Variants in FGGY observed in about 807,000 individuals in gnomAD.
FGGY encodes the protein FGGY carbohydrate kinase domain containing.
Under a neutral mutation model 71.3 loss-of-function variants are expected in FGGY, and 72 were observed. The observed-to-expected ratio is 1.01, with a 90% confidence interval of 0.84 to 1.23. FGGY has a LOEUF of 1.23. FGGY is among the 50% of genes most tolerant of loss of function. The probability of loss-of-function intolerance (pLI) is 0.00; values close to 1 mark genes in which losing one functional copy is unlikely to be tolerated. For missense variants in FGGY, 668 were observed against 682.3 expected, an observed-to-expected ratio of 0.98 and a Z score of 0.23; for synonymous variants, 251 against 250.3, an observed-to-expected ratio of 1.00 and a Z score of -0.02.
intron 13 of FGGY, among the ~76,000 whole-genome samples, chr1:59,673,371 G>A (rs1301559556): frequency 1.3e-5 from 2 of 152,046 alleles, no homozygotes; most frequent in African/African-American, 2.4e-5. Flanking sequence ...AACAGCATGG[G>A]TAAGGGCCCC....
chr1:59,441,821 G>T (rs1185887005), intron 5 of FGGY, among the ~76,000 whole-genome samples: 1 of 152,158 alleles, frequency 6.6e-6, no homozygotes, highest in Non-Finnish European at 1.5e-5. Context: ...AAATCTAAAA[G>T]TCTGGAAGAG....
At chr1:59,668,955 C>T (rs1056663445) in intron 13 of FGGY, among the ~76,000 whole-genome samples, 28 of 144,632 alleles carry the variant, frequency 1.9e-4, no homozygotes, top group African/African-American at 6.0e-4. Context: ...TGCGCCATTG[C>T]ACTCCAGCCT....
intron 8 of FGGY, among the ~76,000 whole-genome samples, chr1:59,598,701 G>T (rs1318867100): frequency 6.6e-6 from 1 of 152,160 alleles, no homozygotes; most frequent in Non-Finnish European, 1.5e-5. Context: ...TAACCACTTT[G>T]AAACCCCCAA....
At position 59,472,504 on chromosome 1, in the gene FGGY, G is replaced by A. The variant is rs534224559; in HGVS notation, c.670+15428G>A. On this transcript the variant is annotated intron_variant, in intron 6 of 15. Coordinates refer to ENST00000303721, the MANE Select transcript of FGGY (RefSeq NM_018291.5). The stretch of plus-strand genomic sequence containing the variant: ...GCGGGACTGGCAGGCAGCTCCACCT[G>A]CAGCCCCGGTGCGGGATCCACTGGG... Among the ~76,000 whole-genome samples, 60 of 152,372 alleles carry A rather than the reference G, an allele frequency of 3.9e-4. No homozygotes were observed. In the South Asian group the frequency reaches 0.012, roughly 29 times the overall value.
At chr1:59,585,335 G>T (rs959475900) in intron 8 of FGGY, among the ~76,000 whole-genome samples, 1 of 152,102 alleles carries the variant, frequency 6.6e-6, no homozygotes, top group Non-Finnish European at 1.5e-5. Flanking sequence ...CAGACCAATG[G>T]AACAGAACAG....
intron 5 of FGGY, among the ~76,000 whole-genome samples, chr1:59,399,722 C>A (rs192581959): frequency 1.3e-5 from 2 of 152,220 alleles, no homozygotes; most frequent in East Asian, 3.9e-4. Context: ...TTCCTTATGC[C>A]ATGCATATAT....
chr1:59,536,656 T>C (rs1302549465), intron 7 of FGGY, among the ~76,000 whole-genome samples: 2 of 152,146 alleles, frequency 1.3e-5, no homozygotes, highest in Admixed American at 6.5e-5. Context: ...TTATCCACCA[T>C]GATCAAGTGG....
rs192945739 is a variant in FGGY, at chr1:59,472,899, A to G, written c.670+15823A>G. On this transcript the variant is annotated intron_variant, in intron 6 of 15. Transcript: ENST00000303721. ...TAGCTCAGGGTTTGTGAATGCACCA[A>G]TCAACACTCTGTATCTAGCTACTCT... Among the ~76,000 whole-genome samples the G allele has an allele frequency of 6.7e-4, 100 of 149,530 alleles. 1 individual carries two copies. The highest frequency in any genetic ancestry group is 2.2e-3 in the African/African-American group (90 of 40,512).
chr1:59,341,651 A>G (rs753576354), intron 3 of FGGY, among the ~76,000 whole-genome samples: 3 of 152,174 alleles, frequency 2.0e-5, no homozygotes, highest in South Asian at 4.1e-4. Flanking sequence ...CTCAGTTGGC[A>G]CTGTTCTGGC....
At chr1:59,682,152 G>T (rs1372715104) in intron 14 of FGGY, among the ~76,000 whole-genome samples, 1 of 152,134 alleles carries the variant, frequency 6.6e-6, no homozygotes, top group African/African-American at 2.4e-5. Context: ...AGGAAACAGG[G>T]TTAGAGAGAG....
intron 14 of FGGY, among the ~76,000 whole-genome samples, chr1:59,756,658 C>T (rs567125616): frequency 6.6e-6 from 1 of 152,270 alleles, no homozygotes; most frequent in African/African-American, 2.4e-5. Flanking sequence ...GTCCAGGTGT[C>T]GAGACTTAGT....
intron 5 of FGGY, among the ~76,000 whole-genome samples, chr1:59,450,710 T>G (rs2072503088): frequency 6.6e-6 from 1 of 152,092 alleles, no homozygotes. Context: ...GTTTCATATA[T>G]TTCATACTAC....
At chr1:59,587,641 T>C (rs2096331608) in intron 8 of FGGY, among the ~76,000 whole-genome samples, 1 of 152,156 alleles carries the variant, frequency 6.6e-6, no homozygotes, top group East Asian at 1.9e-4. Flanking sequence ...CGGTTCACGA[T>C]AATCCCCTGT....
intron 5 of FGGY, among the ~76,000 whole-genome samples, chr1:59,440,645 T>C (rs11207449): frequency 0.51 from 74,641 of 145,880 alleles, 19,465 homozygotes; most frequent in Middle Eastern, 0.59. Flanking sequence ...ATGTAGAATG[T>C]ACCATCCTTG....
intron 7 of FGGY, among the ~76,000 whole-genome samples, chr1:59,549,204 G>C (rs1196928936): frequency 6.6e-6 from 1 of 152,130 alleles, no homozygotes; most frequent in Non-Finnish European, 1.5e-5. Context: ...CTTCTCTGGA[G>C]CCCTTCCTCT....
intron 14 of FGGY, among the ~76,000 whole-genome samples, chr1:59,688,411 G>C (rs975602756): frequency 6.6e-6 from 1 of 152,280 alleles, no homozygotes; most frequent in South Asian, 2.1e-4. Flanking sequence ...GTTCCTCAAA[G>C]TTTTCTAATC....
At chr1:59,413,771 G>C (rs1401022307) in intron 5 of FGGY, among the ~76,000 whole-genome samples, 1 of 152,122 alleles carries the variant, frequency 6.6e-6, no homozygotes, top group Admixed American at 6.5e-5. Context: ...GAGCAGCCTG[G>C]GCAACATGGC....
chr1:59,440,094 C>CA (rs140279518), intron 5 of FGGY, among the ~76,000 whole-genome samples: 4,831 of 125,426 alleles, frequency 0.039, 128 homozygotes, highest in African/African-American at 0.067. Flanking sequence ...TTGCAAGGTT[C>CA]AAAAAAAAAA....
At chr1:59,652,931 G>A (rs555974167) in intron 11 of FGGY, among the ~76,000 whole-genome samples, 14 of 152,240 alleles carry the variant, frequency 9.2e-5, no homozygotes, top group South Asian at 2.1e-4. Flanking sequence ...ATGGGTTTTC[G>A]GTGTGGATGT....
Sources: gnomAD v4.1 joint callset for allele counts (sites outside exome capture counted in the v4.1 genomes callset) on GRCh38, gnomAD v4.1.1 for gene constraint, MANE v1.5 for transcripts, NCBI Gene and HGNC (gene_info 2026-07-23, HGNC 2026-07-21) for gene names.